FAM8A1: variants seen among roughly 807,000 people sequenced by gnomAD.
FAM8A1 encodes the protein family with sequence similarity 8 member A1.
Under a neutral mutation model 38.3 loss-of-function variants are expected in FAM8A1, and 18 were observed. The observed-to-expected ratio is 0.47, with a 90% CI of 0.33 to 0.70. The LOEUF is 0.70. Ranked by LOEUF, FAM8A1 falls within the 30% of genes least tolerant of loss-of-function variation. FAM8A1 has a pLI of 0.03. For synonymous variants in FAM8A1, 246 were observed against 234.4 expected, an observed-to-expected ratio of 1.05 and a Z score of -0.45; for missense variants, 559 against 559.6, an observed-to-expected ratio of 1.00 and a Z score of 0.01.
chr6:17,607,087 C>G (rs938585834), intron 4 of FAM8A1, among the ~76,000 whole-genome samples: 1 of 151,778 alleles, frequency 6.6e-6, no homozygotes. Flanking sequence ...GGTGAAACCC[C>G]GTCTCTACTA....
chr6:17,609,196 A>C lies in FAM8A1; in HGVS notation c.*857A>C, dbSNP rs567235241. The C allele has an allele frequency of 2.0e-5, 3 of 152,182 alleles. No individual in the cohort carries two copies. The highest frequency in any genetic ancestry group is 4.4e-5 in the Non-Finnish European group (3 of 68,024). The allele number at this position is 152,182 out of a possible 1,614,324, so 9.4% of individuals were successfully genotyped here. On this transcript the variant is annotated 3_prime_UTR_variant, in exon 5 of 5. Coordinates refer to ENST00000259963, the MANE Select transcript of FAM8A1 (RefSeq NM_016255.3). ...GAAATCACCTCCATCAAACAGTTGC[A>C]TATTTACTGTAAAAGTATTCCCAGT... is the stretch of plus-strand genomic sequence containing the variant.
Position 17,605,966 on chromosome 6 carries a change from A to G in FAM8A1, c.1050A>G (p.Ala350=). The change falls in exon 4 of 5, where the codon GCA becomes GCG. Residue 350 remains alanine (A), a synonymous_variant. Coordinates refer to ENST00000259963, the MANE Select transcript of FAM8A1 (RefSeq NM_016255.3). ...VVTCDTSVLI[A]PSRVLVIPSS... ...CATGTGATACATCAGTGCTTATTGC[A>G]CCAAGTCGGGTTTTAGTGATTCCTT... is the stretch of plus-strand genomic sequence containing the variant. 6.3e-7 allele frequency: 1 copy of G among 1,584,530 alleles called. No homozygotes were observed. The highest frequency in any genetic ancestry group is 8.6e-7 in the Non-Finnish European group (1 of 1,159,498).
At chr6:17,606,485 C>T (rs1193296818) in intron 4 of FAM8A1, among the ~76,000 whole-genome samples, 1 of 152,154 alleles carries the variant, frequency 6.6e-6, no homozygotes, top group Non-Finnish European at 1.5e-5. Context: ...CAGACGTGAG[C>T]CACCATGCCC....
In FAM8A1 at chr6:17,608,859, A is replaced by G. The variant is rs1406983742; in HGVS notation, c.*520A>G. On this transcript the variant is annotated 3_prime_UTR_variant, in exon 5 of 5. Coordinates refer to ENST00000259963, the MANE Select transcript of FAM8A1 (RefSeq NM_016255.3). ...CATCCCAGGAGGTGGTGAGTTGGCT[A>G]CAAGAGAAAGGGACAAGTGAGGCAG... The G allele has an allele frequency of 6.6e-6, 1 of 152,260 alleles. No individual in the cohort carries two copies. Among genetic ancestry groups the G allele is most frequent in the Non-Finnish European group, 1.5e-5 (1 of 68,064 alleles). The allele number at this position is 152,260 out of a possible 1,614,324, so 9.4% of individuals were successfully genotyped here. A position where few individuals can be genotyped will look rare whatever the true frequency, so the allele number is the denominator to read the frequency against.
Position 17,605,945 on chromosome 6 carries a change from T to G in FAM8A1, c.1029T>G (p.Cys343Trp), listed in dbSNP as rs750619950. The change falls in exon 4 of 5, where the codon TGT (cysteine) becomes TGG (tryptophan). Residue 343 changes from cysteine (C) to tryptophan (W), a missense_variant. Physicochemically the swap from Cys to Trp is radical, Grantham distance 215. Around this residue, in one of 2 missense-constraint regions of FAM8A1, gnomAD observed 166 missense variants for 220.8 expected, o/e 0.75. Coordinates refer to ENST00000259963, the MANE Select transcript of FAM8A1 (RefSeq NM_016255.3). The part of the protein sequence containing the change: ...KFLLGLRVVT[C>W]DTSVLIAPSR... ...TGCTGGGGCTTCGAGTTGTGACATG[T>G]GATACATCAGTGCTTATTGCACCAA... 6.3e-7 allele frequency: 1 copy of G among 1,591,416 alleles called. No individual in the cohort carries two copies. The highest frequency in any genetic ancestry group is 8.6e-7 in the Non-Finnish European group (1 of 1,164,798).
At position 17,604,960 on chromosome 6, in the gene FAM8A1, A is replaced by G; in HGVS notation, c.888A>G (p.Thr296=). 2 of 1,609,104 alleles carry G rather than the reference A, an allele frequency of 1.2e-6. No individual in the cohort carries two copies. The highest frequency in any genetic ancestry group is 1.7e-6 in the Non-Finnish European group (2 of 1,176,318). The change falls in exon 3 of 5, where the codon ACA becomes ACG. Residue 296 remains threonine, a synonymous_variant. Coordinates refer to ENST00000259963, the MANE Select transcript of FAM8A1 (RefSeq NM_016255.3). ...HYIIEEIDED[T]SMEDLQKMMV... ...TAATAGAAGAAATAGATGAAGACAC[A>G]TCAATGGAAGACTTGCAGAAAATGA...
chr6:17,603,437 ATTTCAGGGTCCTTGC>A (rs1338522171), intron 2 of FAM8A1, among the ~76,000 whole-genome samples: 1 of 152,188 alleles, frequency 6.6e-6, no homozygotes, highest in Non-Finnish European at 1.5e-5. Context: ...GTGCAGTCAA[ATTTCAGGGTCCTTGC>A]CAGAAACCTG....
At chr6:17,603,728 C>G (rs796311372) in intron 2 of FAM8A1, among the ~76,000 whole-genome samples, 1 of 152,032 alleles carries the variant, frequency 6.6e-6, no homozygotes, top group African/African-American at 2.4e-5. Flanking sequence ...CAGGCATGCT[C>G]CACCATGCCT....
At chr6:17,601,197 T>G (rs1382146694) in intron 1 of FAM8A1, 76 bp downstream of exon 1, 1 of 1,505,570 alleles carries the variant, frequency 6.6e-7, no homozygotes, top group Non-Finnish European at 8.9e-7. Flanking sequence ...GGCACGCTTT[T>G]TAGACCTGTA....
In FAM8A1 at chr6:17,600,376, G is replaced by T; in HGVS notation, c.-34G>T. 7.4e-7 allele frequency: 1 copy of T among 1,359,196 alleles called. No homozygotes were observed. Among genetic ancestry groups the T allele is most frequent in the Non-Finnish European group, 9.5e-7 (1 of 1,054,094 alleles). The allele number at this position is 1,359,196 out of a possible 1,614,324, so 84.2% of individuals were successfully genotyped here. ...CATTGGGGGAGGGAAACGGAGCAGT[G>T]ACAGGTATCCCAGAGGGTGCTGCTG... On this transcript the variant is annotated 5_prime_UTR_variant, in exon 1 of 5. Coordinates refer to ENST00000259963, the MANE Select transcript of FAM8A1 (RefSeq NM_016255.3).
At chr6:17,601,170 G>A (rs1763981024) in intron 1 of FAM8A1, 49 bp downstream of exon 1, 7 of 1,543,448 alleles carry the variant, frequency 4.5e-6, no homozygotes, top group East Asian at 4.8e-5. Context: ...GTTTTCGGGG[G>A]CCTGTGGGGT....
chr6:17,600,677 C>G lies in FAM8A1; in HGVS notation c.268C>G (p.Gln90Glu), dbSNP rs1763969120. 7 of 1,586,638 alleles carry G rather than the reference C, an allele frequency of 4.4e-6. No homozygotes were observed. The highest frequency in any genetic ancestry group is 4.2e-5 in the African/African-American group (3 of 72,044). ...CGGCTCCGGTGCAGAGCTGCAGGAG[C>G]AGGCGGGCTGCGAGGCGCCCGAAGC... ...ASGSGAELQE[Q>E]AGCEAPEAAA... Residue 90 changes from glutamine (Q) to glutamate (E), a missense_variant, in exon 1 of 5, where the codon CAG becomes GAG. Transcript: ENST00000259963.
intron 4 of FAM8A1, among the ~76,000 whole-genome samples, chr6:17,607,245 C>G (rs13196136): frequency 8.7e-6 from 1 of 115,592 alleles, no homozygotes; most frequent in Non-Finnish European, 1.7e-5. Context: ...GGCGACAGAG[C>G]AAGACTCCAT....
rs6919110 is a variant in FAM8A1, at chr6:17,600,388, A to G, written c.-22A>G. On this transcript the variant is annotated 5_prime_UTR_variant, in exon 1 of 5. Transcript: ENST00000259963. ...GAAACGGAGCAGTGACAGGTATCCC[A>G]GAGGGTGCTGCTGAGGCGACGATGG... is the stretch of plus-strand genomic sequence containing the variant. 391,664 of 1,377,034 alleles carry G rather than the reference A, an allele frequency of 0.28. 58,289 individuals are homozygous for G. The highest frequency in any genetic ancestry group is 0.3 in the Non-Finnish European group (319,889 of 1,063,930). 85.3% of individuals were successfully genotyped at this position (1,377,034 alleles called of 1,614,324 possible).
chr6:17,606,076 TG>T, intron 4 of FAM8A1, 63 bp downstream of exon 4: 1 of 1,310,062 alleles, frequency 7.6e-7, no homozygotes, highest in East Asian at 2.6e-5. Flanking sequence ...TTTAGAATAT[TG>T]GGGTTTTTTT....
intron 4 of FAM8A1, among the ~76,000 whole-genome samples, chr6:17,607,116 C>T (rs1056999932): frequency 1.1e-4 from 17 of 151,880 alleles, no homozygotes; most frequent in East Asian, 9.7e-4. Flanking sequence ...AAAAATTAGC[C>T]GGGCGTGGTG....
At chr6:17,605,270 A>G (rs1455106919) in intron 3 of FAM8A1, among the ~76,000 whole-genome samples, 2 of 152,076 alleles carry the variant, frequency 1.3e-5, no homozygotes, top group African/African-American at 4.8e-5. Flanking sequence ...TAGTAGAGAC[A>G]GGGTTTTGCC....
chr6:17,605,762 C>A, intron 3 of FAM8A1, 112 bp from the exon 4 acceptor site: 1 of 1,064,748 alleles, frequency 9.4e-7, no homozygotes, highest in Non-Finnish European at 1.3e-6. Flanking sequence ...GTATTCTATG[C>A]AATTCTTTCA....
chr6:17,606,085 T>G, intron 4 of FAM8A1, 72 bp downstream of exon 4: 1 of 1,205,868 alleles, frequency 8.3e-7, no homozygotes, highest in Non-Finnish European at 1.1e-6. Flanking sequence ...TTGGGGTTTT[T>G]TTCTTCATAG....
Sources: allele counts gnomAD v4.1 joint callset (sites outside exome capture counted in the v4.1 genomes callset), GRCh38; gene constraint gnomAD v4.1.1; regional missense constraint gnomAD v4.1.1; transcripts MANE v1.5; gene names NCBI Gene and HGNC (gene_info 2026-07-23, HGNC 2026-07-21).